Variants in TXNL4A observed in about 807,000 individuals in gnomAD.
TXNL4A encodes thioredoxin-like protein 4A.
A neutral mutation model predicts 14.6 loss-of-function variants in TXNL4A; 17 were observed. The ratio of observed to expected loss-of-function variants is 1.16; its 90% CI spans 0.80 to 1.74. TXNL4A has a LOEUF of 1.74. Ranked by LOEUF, TXNL4A falls within the 40% of genes most tolerant of loss-of-function variation. The pLI, the probability that TXNL4A is intolerant of heterozygous loss-of-function variation, is 0.00. For synonymous variants in TXNL4A, 83 were observed against 70.6 expected (o/e 1.18, Z -0.88); for missense variants, 74 against 195.2 (o/e 0.38, Z 3.70).
chr18:80,019,359 T>C (rs2051833780), intron 1 of TXNL4A, among the ~76,000 whole-genome samples: 1 of 152,164 alleles, frequency 6.6e-6, no homozygotes, highest in South Asian at 2.1e-4. Flanking sequence ...CAAAAACCCC[T>C]GATAAACCCA....
chr18:80,001,416 C>A (rs1253725839), intron 1 of TXNL4A, among the ~76,000 whole-genome samples: 2 of 152,154 alleles, frequency 1.3e-5, no homozygotes, highest in African/African-American at 4.8e-5. Context: ...TAGGGCACTG[C>A]CTAGTGGAGT....
In TXNL4A at chr18:80,011,466, T is replaced by C. The variant is rs1393261921; in HGVS notation, c.-61+22385A>G. Among the ~76,000 whole-genome samples, 1 of 152,190 alleles carries C rather than the reference T, an allele frequency of 6.6e-6. No homozygotes were observed. Among genetic ancestry groups the C allele is most frequent in the East Asian group, 1.9e-4 (1 of 5,190 alleles). The stretch of plus-strand genomic sequence containing the variant: ...CCACTGAGGCTACAGAATTTTGGAT[T>C]GTTGTGCCTTTATGGCTGCTACAGT... On this transcript the variant is annotated intron_variant, in intron 1 of 2. Transcript: ENST00000585474. The surrounding 1 kb of genome is among the most constrained non-coding windows in gnomAD (Gnocchi z 4.1).
At chr18:80,025,345 T>C (rs1258067283) in intron 1 of TXNL4A, among the ~76,000 whole-genome samples, 2 of 152,226 alleles carry the variant, frequency 1.3e-5, no homozygotes, top group African/African-American at 4.8e-5. Context: ...TAACTCCACC[T>C]ACACTCCCAC....
chr18:80,013,561 A>G (rs1211187126), intron 1 of TXNL4A, among the ~76,000 whole-genome samples: 1 of 152,092 alleles, frequency 6.6e-6, no homozygotes, highest in African/African-American at 2.4e-5. Flanking sequence ...CAGCCTCCCA[A>G]GTAGCTGGGA....
chr18:79,997,719 TCAAC>T (rs1274063052), intron 1 of TXNL4A, among the ~76,000 whole-genome samples: 1 of 152,188 alleles, frequency 6.6e-6, no homozygotes, highest in East Asian at 1.9e-4. Context: ...TCCCCAGGGC[TCAAC>T]ACTCATTCAG....
At chr18:80,008,779 C>A (rs1333883964) in intron 1 of TXNL4A, among the ~76,000 whole-genome samples, 1 of 151,862 alleles carries the variant, frequency 6.6e-6, no homozygotes, top group Non-Finnish European at 1.5e-5. Context: ...ATTTTTCTTT[C>A]TTTCTTTCTT....
intron 1 of TXNL4A, among the ~76,000 whole-genome samples, chr18:80,022,522 G>C (rs1464324337): frequency 6.6e-6 from 1 of 152,196 alleles, no homozygotes; most frequent in Non-Finnish European, 1.5e-5. Flanking sequence ...CCTCAGGCCA[G>C]GTTTGTTTGT....
chr18:79,980,250 C>G (rs1055004365), intron 1 of TXNL4A, among the ~76,000 whole-genome samples: 1 of 152,212 alleles, frequency 6.6e-6, no homozygotes, highest in Non-Finnish European at 1.5e-5. Flanking sequence ...CTGGAAAACA[C>G]CTCGATTCTG....
intron 1 of TXNL4A, among the ~76,000 whole-genome samples, chr18:79,980,066 A>C (rs552634207): frequency 6.6e-6 from 1 of 152,342 alleles, no homozygotes; most frequent in African/African-American, 2.4e-5. Flanking sequence ...ATCTGGTGTG[A>C]CTGGTGTCCT....
chr18:79,998,706 G>A (rs1352802724), intron 1 of TXNL4A, among the ~76,000 whole-genome samples: 3 of 149,198 alleles, frequency 2.0e-5, no homozygotes, highest in Non-Finnish European at 4.4e-5. Context: ...ACATTCTCCT[G>A]AGACCCTTCT....
At chr18:79,983,734 T>C (rs968031956) in intron 1 of TXNL4A, among the ~76,000 whole-genome samples, 8 of 152,258 alleles carry the variant, frequency 5.3e-5, no homozygotes, top group African/African-American at 1.9e-4. Context: ...AACTTAGTAA[T>C]GTGAGAGAAG....
chr18:79,977,255 C>T (rs1382005196), intron 2 of TXNL4A: 2 of 337,780 alleles, frequency 5.9e-6, no homozygotes, highest in Non-Finnish European at 1.1e-5. Context: ...CCACTGTGCC[C>T]GGCCTAAATT....
chr18:80,013,337 T>A (rs1323190785), intron 1 of TXNL4A, among the ~76,000 whole-genome samples: 1 of 151,910 alleles, frequency 6.6e-6, no homozygotes, highest in African/African-American at 2.4e-5. Flanking sequence ...TTAACCAGGA[T>A]GCTCTCGATC....
rs953516452 is a variant in TXNL4A, at chr18:79,972,708, C to A, written c.*977G>T. The A allele has an allele frequency of 2.0e-5, 3 of 152,160 alleles. No individual in the cohort carries two copies. Among genetic ancestry groups the A allele is most frequent in the Admixed American group, 1.3e-4 (2 of 15,262 alleles). 9.4% of individuals were successfully genotyped at this position (152,160 alleles called of 1,614,324 possible). A position where few individuals can be genotyped will look rare whatever the true frequency, so the allele number is the denominator to read the frequency against. On this transcript the variant is annotated 3_prime_UTR_variant, in exon 3 of 3. Transcript: ENST00000269601. The stretch of plus-strand genomic sequence containing the variant: ...TCGAACACCTGACTTCGTGATCTGC[C>A]CACCTCGGCCTCCCAAAGTGCTGGG...
At chr18:79,992,874 T>C (rs1255134322), upstream of TXNL4A, among the ~76,000 whole-genome samples, 1 of 36,002 alleles carries the variant, frequency 2.8e-5, no homozygotes, top group Non-Finnish European at 7.3e-5. Context: ...TGTCATCTTA[T>C]GTAAAAAAAA....
At position 80,011,925 on chromosome 18, in the gene TXNL4A, T is replaced by C. The variant is rs2051772609; in HGVS notation, c.-61+21926A>G. ...GAAACCGAGACTGCTAAACATCTTA[T>C]TGAGTGACTAACGAGTTCTCCTTCA... On this transcript the variant is annotated intron_variant, in intron 1 of 2. Coordinates refer to the TXNL4A transcript ENST00000585474. This position sits in a 1 kb window ranked among gnomAD's most constrained non-coding sequence, Gnocchi z 4.1. 6.6e-6 allele frequency among the ~76,000 whole-genome samples: 1 copy of C among 152,180 alleles called. No individual in the cohort carries two copies. Among genetic ancestry groups the C allele is most frequent in the Non-Finnish European group, 1.5e-5 (1 of 68,036 alleles).
intron 1 of TXNL4A, among the ~76,000 whole-genome samples, chr18:80,007,852 G>C (rs141932536): frequency 1.2e-3 from 178 of 152,262 alleles, no homozygotes; most frequent in Non-Finnish European, 1.9e-3. Flanking sequence ...TGGCCTGTTT[G>C]ATGGTCACCA....
chr18:80,023,657 A>C (rs1374901488), intron 1 of TXNL4A, among the ~76,000 whole-genome samples: 1 of 152,262 alleles, frequency 6.6e-6, no homozygotes, highest in African/African-American at 2.4e-5. Context: ...ATATCCTCCC[A>C]TATGTTACCA....
chr18:80,026,487 C>CA (rs1050041787), intron 1 of TXNL4A, among the ~76,000 whole-genome samples: 4 of 151,506 alleles, frequency 2.6e-5, no homozygotes, highest in Non-Finnish European at 5.9e-5. Context: ...TCTACCCTGA[C>CA]AAAAAAAACT....
Sources: gnomAD v4.1 joint callset for allele counts (sites outside exome capture counted in the v4.1 genomes callset) on GRCh38, gnomAD v4.1.1 for gene constraint, Gnocchi (gnomAD v3.1) non-coding constraint, MANE v1.5 for transcripts, NCBI Gene and HGNC (gene_info 2026-07-23, HGNC 2026-07-21) for gene names.